Variants in AFF3 observed in about 807,000 individuals in gnomAD.
The protein encoded by AFF3 is ALF transcription elongation factor 3.
Under a neutral mutation model 129.7 loss-of-function variants are expected in AFF3, and 32 were observed. The observed-to-expected ratio is 0.25, with a 90% CI of 0.19 to 0.33. The LOEUF is 0.33. Ranked by LOEUF, AFF3 falls within the 10% of genes least tolerant of loss-of-function variation. The probability of loss-of-function intolerance (pLI) is 1.00; values close to 1 mark genes in which losing one functional copy is unlikely to be tolerated. For synonymous variants in AFF3, 644 were observed against 635.4 expected (o/e 1.01, Z -0.20); for missense variants, 1,373 against 1,592.0 (o/e 0.86, Z 2.34).
chr2:99,786,531 G>A (rs1684804048), intron 8 of AFF3, among the ~76,000 whole-genome samples: 1 of 152,108 alleles, frequency 6.6e-6, no homozygotes, highest in African/African-American at 2.4e-5. Context: ...ATCTTACATG[G>A]TAATAATGCA....
chr2:99,565,981 G>T (rs1270350751), intron 19 of AFF3, among the ~76,000 whole-genome samples: 1 of 152,178 alleles, frequency 6.6e-6, no homozygotes, highest in Admixed American at 6.5e-5. Flanking sequence ...ATGCATCAAA[G>T]TTGGTAGGTC....
intron 12 of AFF3, among the ~76,000 whole-genome samples, chr2:99,660,000 C>T (rs1686086782): frequency 1.3e-5 from 2 of 152,172 alleles, no homozygotes; most frequent in Admixed American, 1.3e-4. Flanking sequence ...CAGGCCAGAC[C>T]TTGAGCAAGG....
intron 7 of AFF3, among the ~76,000 whole-genome samples, chr2:99,979,903 GA>G (rs1223809128): frequency 1.3e-5 from 2 of 152,048 alleles, no homozygotes; most frequent in African/African-American, 2.4e-5. Flanking sequence ...CCAAGAACCA[GA>G]ATTCCATAAA....
intron 7 of AFF3, among the ~76,000 whole-genome samples, chr2:99,945,509 T>C (rs548968706): frequency 6.6e-6 from 1 of 152,276 alleles, no homozygotes; most frequent in African/African-American, 2.4e-5. Context: ...TGGCCCCTTT[T>C]CTTCTTTTCA....
intron 11 of AFF3, among the ~76,000 whole-genome samples, chr2:99,696,923 G>A (rs1485820078): frequency 6.6e-6 from 1 of 152,210 alleles, no homozygotes; most frequent in Non-Finnish European, 1.5e-5. Flanking sequence ...TGAGGTTACA[G>A]ATGTGAACCA....
At chr2:99,651,846 C>T (rs1277617038) in intron 12 of AFF3, among the ~76,000 whole-genome samples, 1 of 152,108 alleles carries the variant, frequency 6.6e-6, no homozygotes, top group East Asian at 1.9e-4. Context: ...AAAAAAGTCA[C>T]CTCAGAACCA....
At chr2:99,871,130 C>G (rs555471349) in intron 7 of AFF3, among the ~76,000 whole-genome samples, 6 of 152,160 alleles carry the variant, frequency 3.9e-5, no homozygotes, top group Non-Finnish European at 5.9e-5. Context: ...GTATAAATCA[C>G]CTTCAGACTA....
At chr2:99,573,290 C>T (rs939918041) in intron 18 of AFF3, among the ~76,000 whole-genome samples, 5 of 152,182 alleles carry the variant, frequency 3.3e-5, no homozygotes, top group African/African-American at 1.2e-4. Flanking sequence ...CACTCTTACT[C>T]TCTCACTCTG....
intron 13 of AFF3, among the ~76,000 whole-genome samples, chr2:99,643,059 T>TA (rs1308899401): frequency 1.4e-5 from 2 of 140,994 alleles, no homozygotes; most frequent in East Asian, 4.1e-4. Context: ...TAAAAGATTT[T>TA]TTTTTTTTTT....
At chr2:99,809,032 T>C (rs1055791257) in intron 8 of AFF3, among the ~76,000 whole-genome samples, 3 of 152,210 alleles carry the variant, frequency 2.0e-5, no homozygotes, top group Non-Finnish European at 2.9e-5. Flanking sequence ...GCAATGGATA[T>C]GAATCAAAGC....
chr2:100,106,749 A>G (rs1559130100), intron 2 of AFF3: 2 of 985,454 alleles, frequency 2.0e-6, no homozygotes, highest in African/African-American at 1.7e-5. Context: ...TGTTTATACA[A>G]AGGAGGGCCG....
In AFF3 at chr2:100,011,198, C is replaced by T. The variant is rs6739527; in HGVS notation, c.54-2266G>A. Among the ~76,000 whole-genome samples the T allele has an allele frequency of 0.48, 72,627 of 151,912 alleles. 18,975 individuals are homozygous for T. The highest frequency in any genetic ancestry group is 0.95 in the East Asian group (4,877 of 5,154). On this transcript the variant is annotated intron_variant, in intron 4 of 24. Coordinates refer to ENST00000672756, the MANE Select transcript of AFF3 (RefSeq NM_001386135.1). ...CTGAGGCAGGAGAACGGCACGAACC[C>T]GGGAGGCGGAGCTTGCAGTGAGCCG...
At chr2:100,080,977 C>A (rs558100678) in intron 4 of AFF3, among the ~76,000 whole-genome samples, 1 of 152,098 alleles carries the variant, frequency 6.6e-6, no homozygotes, top group South Asian at 2.1e-4. Flanking sequence ...CAGAAACCAG[C>A]AATGCAGCCT....
intron 7 of AFF3, among the ~76,000 whole-genome samples, chr2:99,932,199 T>C (rs1274617094): frequency 6.6e-6 from 1 of 151,844 alleles, no homozygotes; most frequent in Non-Finnish European, 1.5e-5. Context: ...CATTATGAGA[T>C]TTTTTTTGCG....
chr2:99,951,200 C>T (rs1676132406), intron 7 of AFF3, among the ~76,000 whole-genome samples: 1 of 152,094 alleles, frequency 6.6e-6, no homozygotes, highest in Non-Finnish European at 1.5e-5. Context: ...TGTGGTTTCC[C>T]TTGAAAATAT....
intron 7 of AFF3, among the ~76,000 whole-genome samples, chr2:99,927,457 C>T (rs909763772): frequency 6.6e-6 from 1 of 152,126 alleles, no homozygotes; most frequent in Non-Finnish European, 1.5e-5. Context: ...GGCCATTATC[C>T]TAGGCAAATG....
chr2:99,709,894 C>A (rs1222751224), intron 11 of AFF3, among the ~76,000 whole-genome samples: 2 of 152,216 alleles, frequency 1.3e-5, no homozygotes, highest in South Asian at 2.1e-4. Context: ...GGGTTTCCAG[C>A]CATCTGGAAA....
intron 11 of AFF3, among the ~76,000 whole-genome samples, chr2:99,698,937 G>A (rs964387138): frequency 6.6e-6 from 1 of 152,132 alleles, no homozygotes; most frequent in African/African-American, 2.4e-5. Context: ...AAGAAAAACA[G>A]TAAAGGGAGC....
At chr2:99,875,287 T>C (rs1477563016) in intron 7 of AFF3, among the ~76,000 whole-genome samples, 1 of 152,246 alleles carries the variant, frequency 6.6e-6, no homozygotes, top group South Asian at 2.1e-4. Context: ...TCCTGACCAC[T>C]CTCCAGGCTC....
Sources: gnomAD v4.1 joint callset for allele counts (sites outside exome capture counted in the v4.1 genomes callset) on GRCh38, gnomAD v4.1.1 for gene constraint, MANE v1.5 for transcripts, NCBI Gene and HGNC (gene_info 2026-07-23, HGNC 2026-07-21) for gene names.